Variants in MACROD2 observed in about 807,000 individuals in gnomAD.
MACROD2 encodes the protein mono-ADP ribosylhydrolase 2.
A neutral mutation model predicts 70.4 loss-of-function variants in MACROD2; 36 were observed. That is an observed-to-expected ratio of 0.51 (90% CI 0.39 to 0.68). MACROD2 has a LOEUF of 0.68. Ranked by LOEUF, MACROD2 falls within the 30% of genes least tolerant of loss-of-function variation. MACROD2 has a pLI of 0.00. For synonymous variants in MACROD2, 172 were observed against 178.8 expected (o/e 0.96, Z 0.30); for missense variants, 496 against 538.4 (o/e 0.92, Z 0.78).
At chr20:14,531,019 A>C (rs886670677) in intron 4 of MACROD2, among the ~76,000 whole-genome samples, 16 of 152,200 alleles carry the variant, frequency 1.1e-4, no homozygotes, top group African/African-American at 3.6e-4. Flanking sequence ...TTATTGTCCC[A>C]AGAATACAAA....
At chr20:15,555,841 AAAAAAAAAAAAAAG>A (rs935687063) in intron 8 of MACROD2, among the ~76,000 whole-genome samples, 6 of 149,214 alleles carry the variant, frequency 4.0e-5, no homozygotes, top group African/African-American at 7.5e-5. Context: ...AAAAAAAAAA[AAAAAAAAAAAAAAG>A]GAAAAGAAAA....
At chr20:15,397,463 G>A (rs893332595) in intron 6 of MACROD2, among the ~76,000 whole-genome samples, 6 of 151,620 alleles carry the variant, frequency 4.0e-5, no homozygotes, top group Non-Finnish European at 7.4e-5. Flanking sequence ...CCTGGCTAAT[G>A]TTTGTTTTGT....
chr20:15,063,756 T>A (rs1030668574), intron 5 of MACROD2, among the ~76,000 whole-genome samples: 2 of 152,310 alleles, frequency 1.3e-5, no homozygotes, highest in East Asian at 3.9e-4. Flanking sequence ...TCCTACCTTA[T>A]GCTAACTATT....
chr20:15,842,199 G>T (rs1249623429), intron 8 of MACROD2, among the ~76,000 whole-genome samples: 7 of 152,018 alleles, frequency 4.6e-5, no homozygotes, highest in Non-Finnish European at 1.0e-4. Flanking sequence ...CTACTGTCAG[G>T]GTAGGCTTTG....
intron 3 of MACROD2, among the ~76,000 whole-genome samples, chr20:14,200,027 A>G (rs531776082): frequency 2.6e-5 from 4 of 152,204 alleles, no homozygotes; most frequent in Non-Finnish European, 5.9e-5. Context: ...TCCCAATAGC[A>G]AAGACATTCT....
At chr20:15,068,325 A>T (rs1419997158) in intron 5 of MACROD2, among the ~76,000 whole-genome samples, 1 of 152,190 alleles carries the variant, frequency 6.6e-6, no homozygotes, top group Non-Finnish European at 1.5e-5. Context: ...TATATAGTTT[A>T]AAAAATATTC....
chr20:15,433,459 C>CAAAAAAAAAAAAAAAAAAAAAAAAAAAAA (rs60298297), intron 7 of MACROD2, among the ~76,000 whole-genome samples: 2 of 88,284 alleles, frequency 2.3e-5, no homozygotes, highest in African/African-American at 5.2e-5. Context: ...ACAAGAGCTG[C>CAAAAAAAAAAAAAAAAAAAAAAAAAAAAA]AAAAAAAAAA....
intron 5 of MACROD2, among the ~76,000 whole-genome samples, chr20:15,126,744 C>G (rs112016340): frequency 1.7e-4 from 26 of 152,200 alleles, no homozygotes; most frequent in African/African-American, 6.0e-4. Flanking sequence ...TGAACTTACT[C>G]TCAAAACAAA....
At chr20:15,084,118 T>G (rs1019621529) in intron 5 of MACROD2, among the ~76,000 whole-genome samples, 1 of 145,950 alleles carries the variant, frequency 6.9e-6, no homozygotes, top group Non-Finnish European at 1.5e-5. Context: ...CATCCTGGAG[T>G]GCAGTGGCGC....
intron 8 of MACROD2, among the ~76,000 whole-genome samples, chr20:15,742,417 T>C (rs1376844101): frequency 6.6e-6 from 1 of 152,232 alleles, no homozygotes; most frequent in Non-Finnish European, 1.5e-5. Flanking sequence ...CGAGAGAACT[T>C]ATTTTTGATC....
intron 5 of MACROD2, among the ~76,000 whole-genome samples, chr20:14,707,186 G>A (rs2071279690): frequency 6.6e-6 from 1 of 152,126 alleles, no homozygotes; most frequent in Non-Finnish European, 1.5e-5. Context: ...ATGATGGCCA[G>A]GGCGAATGGG....
At chr20:14,101,792 AC>A (rs2148679163) in intron 3 of MACROD2, among the ~76,000 whole-genome samples, 1 of 151,906 alleles carries the variant, frequency 6.6e-6, no homozygotes, top group East Asian at 1.9e-4. Context: ...GAAAAAAAAA[AC>A]GTGAGACAAC....
intron 7 of MACROD2, among the ~76,000 whole-genome samples, chr20:15,451,159 G>A (rs938715860): frequency 1.3e-5 from 2 of 151,920 alleles, no homozygotes; most frequent in Admixed American, 6.6e-5. Context: ...CTGCCTCGGT[G>A]CATTTTCCAT....
chr20:13,999,144 TTC>T (rs1412371240), intron 1 of MACROD2, among the ~76,000 whole-genome samples: 1 of 152,096 alleles, frequency 6.6e-6, no homozygotes, highest in Non-Finnish European at 1.5e-5. Flanking sequence ...ATCCCATATC[TTC>T]TTTGAGTTCT....
chr20:14,795,566 T>C (rs6131608), intron 5 of MACROD2, among the ~76,000 whole-genome samples: 10,317 of 152,150 alleles, frequency 0.068, 468 homozygotes, highest in East Asian at 0.17. Context: ...GTGAATCTTA[T>C]TTTAGACACA....
chr20:14,540,845 A>G (rs1041209499), intron 4 of MACROD2, among the ~76,000 whole-genome samples: 2 of 152,214 alleles, frequency 1.3e-5, no homozygotes, highest in Non-Finnish European at 2.9e-5. Context: ...GCTCAAGGAA[A>G]GAAAAATCAG....
At chr20:15,269,297 G>A (rs757914566) in intron 6 of MACROD2, among the ~76,000 whole-genome samples, 3 of 152,150 alleles carry the variant, frequency 2.0e-5, no homozygotes, top group Middle Eastern at 3.2e-3. Flanking sequence ...GCTTGGATGA[G>A]GTTTCTCTTC....
At chr20:14,161,197 T>C (rs973323406) in intron 3 of MACROD2, among the ~76,000 whole-genome samples, 3 of 151,012 alleles carry the variant, frequency 2.0e-5, no homozygotes, top group Non-Finnish European at 3.0e-5. Flanking sequence ...TTTTCTTTTT[T>C]TTTTTTTTTG....
chr20:14,515,467 A>ACGCGCGCGCGCG (rs1311985534), intron 4 of MACROD2, among the ~76,000 whole-genome samples: 4 of 114,130 alleles, frequency 3.5e-5, no homozygotes, highest in African/African-American at 1.3e-4. Context: ...ACACACACGC[A>ACGCGCGCGCGCG]CACACACACA....
Sources: allele counts gnomAD v4.1 joint callset (sites outside exome capture counted in the v4.1 genomes callset), GRCh38; gene constraint gnomAD v4.1.1; transcripts MANE v1.5; gene names NCBI Gene and HGNC (gene_info 2026-07-23, HGNC 2026-07-21).